Variants in CWC22 observed in about 807,000 individuals in gnomAD.
CWC22 encodes CWC22 spliceosome associated protein, also known as pre-mRNA-splicing factor CWC22 homolog.
CWC22 carries 53 observed loss-of-function variants against 117.2 expected under a neutral mutation model. The ratio of observed to expected loss-of-function variants is 0.45; its 90% CI spans 0.36 to 0.57. CWC22 has a LOEUF of 0.57. Ranked by LOEUF, CWC22 falls within the 20% of genes least tolerant of loss-of-function variation. The pLI is 0.00. For missense variants in CWC22, 980 were observed against 1,068.8 expected (o/e 0.92, Z 1.16); for synonymous variants, 360 against 355.6 (o/e 1.01, Z -0.14).
At position 179,965,993 on chromosome 2, in the gene CWC22, C is replaced by A. The variant is rs1052179075; in HGVS notation, c.1211-11G>T. The A allele has an allele frequency of 1.3e-6, 2 of 1,598,814 alleles. No individual in the cohort carries two copies. Among genetic ancestry groups the A allele is most frequent in the African/African-American group, 1.3e-5 (1 of 74,188 alleles). On this transcript the variant is annotated splice_polypyrimidine_tract_variant and intron_variant, in intron 11 of 19. Transcript: ENST00000410053. ...CCTCATCAAGAATTTCTGTAAAGTA[C>A]AAAGTAAGTTTAGGAAAAAAATGTG...
intron 13 of CWC22, among the ~76,000 whole-genome samples, chr2:179,962,860 A>G (rs894233239): frequency 6.6e-6 from 1 of 152,140 alleles, no homozygotes; most frequent in African/African-American, 2.4e-5. Flanking sequence ...TATGGTAATT[A>G]CCCTGATTTG....
chr2:179,985,822 A>G (rs1037937369), intron 4 of CWC22, among the ~76,000 whole-genome samples: 11 of 151,644 alleles, frequency 7.3e-5, no homozygotes, highest in African/African-American at 2.7e-4. Context: ...AAAACATAGT[A>G]TATATATATA....
intron 11 of CWC22, among the ~76,000 whole-genome samples, chr2:179,966,443 T>C (rs1437549257): frequency 5.3e-5 from 8 of 152,218 alleles, no homozygotes; most frequent in African/African-American, 1.9e-4. Flanking sequence ...AATAATTGCA[T>C]AATTTAGTGT....
intron 1 of CWC22, among the ~76,000 whole-genome samples, chr2:180,006,155 TCTG>T (rs975313242): frequency 1.7e-4 from 26 of 148,960 alleles, no homozygotes; most frequent in African/African-American, 6.1e-4. Flanking sequence ...TGCTTGCTTA[TCTG>T]CTATTTCGAG....
At chr2:179,986,346 C>CA (rs1177393142) in intron 4 of CWC22, among the ~76,000 whole-genome samples, 1 of 152,106 alleles carries the variant, frequency 6.6e-6, no homozygotes, top group Non-Finnish European at 1.5e-5. Flanking sequence ...TAAAGAATCT[C>CA]AAAAAATCAC....
chr2:179,996,218 A>G (rs4894144), intron 1 of CWC22, among the ~76,000 whole-genome samples: 21,760 of 152,184 alleles, frequency 0.14, 1,953 homozygotes, highest in Admixed American at 0.29. Flanking sequence ...AATCTTAAGG[A>G]AAAAGACAAT....
intron 1 of CWC22, among the ~76,000 whole-genome samples, chr2:180,001,560 C>T (rs1687851628): frequency 3.3e-5 from 5 of 152,146 alleles, no homozygotes; most frequent in Non-Finnish European, 1.5e-5. Context: ...AAACTCCTGA[C>T]CTCAAGTGAT....
intron 11 of CWC22, among the ~76,000 whole-genome samples, chr2:179,968,191 T>C (rs1311060787): frequency 6.6e-6 from 1 of 152,192 alleles, no homozygotes; most frequent in African/African-American, 2.4e-5. Context: ...TACAAAATCA[T>C]GCATGAGTAA....
Position 179,978,228 on chromosome 2 carries a change from A to G in CWC22, c.543T>C (p.Ile181=). The change falls in exon 6 of 20, where the codon ATT becomes ATC. Residue 181 remains isoleucine, a synonymous_variant. Transcript: ENST00000410053. The stretch of plus-strand genomic sequence containing the variant: ...TATTTTCTTGAAGAAGCTCTTGAAT[A>G]ATAATACTTATGTTGGAAATGTTGA... ...NKVNISNISI[I]IQELLQENIV... The G allele has an allele frequency of 6.4e-7, 1 of 1,566,170 alleles. No individual in the cohort carries two copies. Among genetic ancestry groups the G allele is most frequent in the Non-Finnish European group, 8.6e-7 (1 of 1,159,462 alleles).
Position 179,960,172 on chromosome 2 carries a change from T to C in CWC22, c.1398-1090A>G, listed in dbSNP as rs537899989. 6.6e-5 allele frequency among the ~76,000 whole-genome samples: 10 copies of C among 152,144 alleles called. No homozygotes were observed. In the East Asian group the frequency reaches 1.5e-3, roughly 23 times the overall value. ...TTAGCAATATCTTTTCCTTCAAGCA[T>C]TGGAGGATAATAACTGTATATAATG... On this transcript the variant is annotated intron_variant, in intron 13 of 19. Transcript: ENST00000410053.
At chr2:180,004,291 C>T (rs964833935) in intron 1 of CWC22, among the ~76,000 whole-genome samples, 1 of 152,194 alleles carries the variant, frequency 6.6e-6, no homozygotes, top group South Asian at 2.1e-4. Flanking sequence ...ATACAAAATG[C>T]ATCACTGTGT....
chr2:179,982,688 A>G (rs1687315079), intron 4 of CWC22, among the ~76,000 whole-genome samples: 1 of 152,196 alleles, frequency 6.6e-6, no homozygotes, highest in Admixed American at 6.5e-5. Flanking sequence ...TCTAGCCACA[A>G]TGTCTTCCCT....
intron 4 of CWC22, among the ~76,000 whole-genome samples, chr2:179,986,388 T>C (rs185700159): frequency 6.6e-6 from 1 of 152,136 alleles, no homozygotes; most frequent in Non-Finnish European, 1.5e-5. Context: ...TACAATACAA[T>C]GAATGAGCTT....
chr2:180,003,326 G>C (rs1019966427), intron 1 of CWC22, among the ~76,000 whole-genome samples: 2 of 152,152 alleles, frequency 1.3e-5, no homozygotes, highest in Non-Finnish European at 2.9e-5. Flanking sequence ...TGTCCCTGAA[G>C]GTGCAGTTCT....
In CWC22 at chr2:179,950,499, T is replaced by G. The variant is rs376317757; in HGVS notation, c.2140+13A>C. On this transcript the variant is annotated intron_variant, in intron 19 of 19. Coordinates refer to ENST00000410053, the MANE Select transcript of CWC22 (RefSeq NM_020943.3). ...AGAAAAGAGCAAGCCAAATTACACA[T>G]AAGCTTCAATACCTGAGGCAGAGCT... 5.2e-6 allele frequency: 8 copies of G among 1,550,754 alleles called. No individual in the cohort carries two copies. The highest frequency in any genetic ancestry group is 7.1e-6 in the Non-Finnish European group (8 of 1,130,564).
chr2:179,999,551 A>G (rs1187773419), intron 1 of CWC22, among the ~76,000 whole-genome samples: 1 of 152,196 alleles, frequency 6.6e-6, no homozygotes, highest in Non-Finnish European at 1.5e-5. Context: ...AATCATCTCA[A>G]AAATTAAGAA....
At chr2:179,963,092 C>T (rs17778683) in intron 13 of CWC22, among the ~76,000 whole-genome samples, 22,272 of 151,776 alleles carry the variant, frequency 0.15, 2,012 homozygotes, top group Admixed American at 0.29. Context: ...TTTTCAAGTC[C>T]TTTGTGTGAT....
At chr2:179,973,149 C>A in intron 8 of CWC22, 44 bp downstream of exon 8, 2 of 1,358,392 alleles carry the variant, frequency 1.5e-6, no homozygotes, top group South Asian at 2.5e-5. Context: ...ACCCTCTGGT[C>A]TAATGCCACT....
intron 1 of CWC22, 38 bp from the exon 2 acceptor site, chr2:179,993,492 CAA>C: frequency 3.4e-6 from 2 of 588,436 alleles, no homozygotes; most frequent in Non-Finnish European, 6.1e-6. Flanking sequence ...TTAACACTAA[CAA>C]AGTGTGAAAA....
Sources: gnomAD v4.1 joint callset for allele counts (sites outside exome capture counted in the v4.1 genomes callset) on GRCh38, gnomAD v4.1.1 for gene constraint, MANE v1.5 for transcripts, NCBI Gene and HGNC (gene_info 2026-07-23, HGNC 2026-07-21) for gene names.